The following FAM118B variants were observed in gnomAD, a reference collection of about 807,000 sequenced individuals.
FAM118B encodes SIR2 antiphage like 1.
A neutral mutation model predicts 38.5 loss-of-function variants in FAM118B; 24 were observed. The observed-to-expected ratio is 0.62, with a 90% confidence interval of 0.45 to 0.88. FAM118B has a LOEUF of 0.88. Among genes scored for constraint, FAM118B ranks in the 40% least tolerant of loss-of-function variants. The pLI is 0.00. For synonymous variants in FAM118B, 138 were observed against 156.3 expected (o/e 0.88, Z 0.87); for missense variants, 334 against 420.0 (o/e 0.80, Z 1.79).
At chr11:126,234,868 A>ACGT in intron 2 of FAM118B, 127 bp from the exon 3 acceptor site, 1 of 571,228 alleles carries the variant, frequency 1.8e-6, no homozygotes, top group Non-Finnish European at 3.0e-6. Flanking sequence ...AATTTCTGTT[A>ACGT]AGTAGGGGGC....
intron 7 of FAM118B, chr11:126,260,274 C>T (rs1456742232): frequency 2.6e-5 from 4 of 152,168 alleles, no homozygotes; most frequent in African/African-American, 7.2e-5. Context: ...TGCAAGCAAT[C>T]CTCCCACCTC....
At chr11:126,217,751 A>G (rs766014711) in intron 1 of FAM118B, among the ~76,000 whole-genome samples, 2 of 152,222 alleles carry the variant, frequency 1.3e-5, no homozygotes, top group African/African-American at 2.4e-5. Flanking sequence ...TTAAAAGCAT[A>G]TACTTCAGTT....
At chr11:126,224,840 T>C (rs1431655010) in intron 1 of FAM118B, among the ~76,000 whole-genome samples, 1 of 152,200 alleles carries the variant, frequency 6.6e-6, no homozygotes, top group Non-Finnish European at 1.5e-5. Flanking sequence ...CTCAGTCAAT[T>C]TCAAAAAGTT....
rs894572788 is a variant in FAM118B at position 126,244,569 on chromosome 11, C to T, written c.339+3525C>T. On this transcript the variant is annotated intron_variant, in intron 4 of 8. Transcript: ENST00000533050. This position sits in a 1 kb window ranked among gnomAD's most constrained non-coding sequence, Gnocchi z 4.5. ...CTGTTGTCTCAGCGCTTTGGGAGGCCGAGGTGGGCGGATCACCTGAGGTCG... is the reference window on the plus strand; with the variant it reads ...CTGTTGTCTCAGCGCTTTGGGAGGCTGAGGTGGGCGGATCACCTGAGGTCG... Among the ~76,000 whole-genome samples the T allele has an allele frequency of 6.6e-6, 1 of 152,080 alleles. No homozygotes were observed. Among genetic ancestry groups the T allele is most frequent in the African/African-American group, 2.4e-5 (1 of 41,396 alleles).
chr11:126,256,892 C>T lies in FAM118B; in HGVS notation c.982+40C>T. On this transcript the variant is annotated intron_variant, in intron 7 of 8. Coordinates refer to ENST00000533050, the MANE Select transcript of FAM118B (RefSeq NM_024556.4). This position sits in a 1 kb window ranked among gnomAD's most constrained non-coding sequence, Gnocchi z 6.6. Reference sequence around the variant, plus strand: ...GAAGCTGAGGGGAATCAGAGAACAACAGCTCTTCAGCCTTTTGTGTATTTG... The same window carrying T: ...GAAGCTGAGGGGAATCAGAGAACAATAGCTCTTCAGCCTTTTGTGTATTTG... 6.4e-7 allele frequency: 1 copy of T among 1,558,484 alleles called. No individual in the cohort carries two copies. The highest frequency in any genetic ancestry group is 8.7e-7 in the Non-Finnish European group (1 of 1,147,056).
At chr11:126,232,895 T>C (rs939439936) in intron 2 of FAM118B, among the ~76,000 whole-genome samples, 2 of 152,086 alleles carry the variant, frequency 1.3e-5, no homozygotes, top group Admixed American at 6.6e-5. Context: ...TAAAAATATT[T>C]TAAGGACACT....
At chr11:126,233,486 A>AAAAAC (rs1321143780) in intron 2 of FAM118B, 3 of 242,512 alleles carry the variant, frequency 1.2e-5, no homozygotes, top group South Asian at 7.1e-5. Context: ...ACTCTGTCTC[A>AAAAAC]AAAACAAAAC....
At chr11:126,211,903 C>T (rs934060339) in intron 1 of FAM118B, 73 bp downstream of exon 1, 2 of 499,570 alleles carry the variant, frequency 4.0e-6, no homozygotes, top group Admixed American at 3.8e-5. Context: ...TTCTGCGTCC[C>T]CGGGATTTCC....
At chr11:126,240,299 A>G (rs1327316633) in intron 3 of FAM118B, among the ~76,000 whole-genome samples, 1 of 150,646 alleles carries the variant, frequency 6.6e-6, no homozygotes, top group African/African-American at 2.4e-5. Flanking sequence ...CCTGAGGTTA[A>G]TGTTTACAAA....
chr11:126,222,923 C>T (rs1379364842), intron 1 of FAM118B, among the ~76,000 whole-genome samples: 1 of 152,138 alleles, frequency 6.6e-6, no homozygotes, highest in African/African-American at 2.4e-5. Flanking sequence ...ATTGCAAGTA[C>T]TGTGAGATAC....
intron 2 of FAM118B, among the ~76,000 whole-genome samples, 152 bp from the exon 3 acceptor site, chr11:126,234,843 G>A (rs940358080): frequency 1.3e-5 from 2 of 152,156 alleles, no homozygotes; most frequent in Non-Finnish European, 2.9e-5. Flanking sequence ...TGTTTAGAAT[G>A]TTCATTAATT....
At chr11:126,254,168 T>C in intron 5 of FAM118B, 137 bp from the exon 6 acceptor site, 1 of 1,027,950 alleles carries the variant, frequency 9.7e-7, no homozygotes, top group Non-Finnish European at 1.4e-6. Context: ...CATCAGGTTT[T>C]GCATTCTTGT....
At position 126,252,807 on chromosome 11, in the gene FAM118B, G is replaced by A. The variant is rs566228542; in HGVS notation, c.568-1498G>A. 6.2e-4 allele frequency among the ~76,000 whole-genome samples: 95 copies of A among 152,268 alleles called. No homozygotes were observed. Among genetic ancestry groups the A allele is most frequent in the African/African-American group, 2.2e-3 (93 of 41,550 alleles). Reference sequence around the variant, plus strand: ...CCCAGCATTTTGGGTGGCCGAGGTGGGTGGATCACTTGAGGTCAGGATTTT... The same window carrying A: ...CCCAGCATTTTGGGTGGCCGAGGTGAGTGGATCACTTGAGGTCAGGATTTT... On this transcript the variant is annotated intron_variant, in intron 5 of 8. Coordinates refer to ENST00000533050, the MANE Select transcript of FAM118B (RefSeq NM_024556.4). This position sits in a 1 kb window ranked among gnomAD's most constrained non-coding sequence, Gnocchi z 4.7.
Position 126,234,969 on chromosome 11 carries a change from G to A in FAM118B, c.-7-26G>A, listed in dbSNP as rs764807045. ...TAGTATACTTTACAGATCTAATTGT[G>A]GTTCATGGTGTTTAATCTATTTTAG... On this transcript the variant is annotated intron_variant, in intron 2 of 8. Transcript: ENST00000533050. 17 of 1,529,582 alleles carry A rather than the reference G, an allele frequency of 1.1e-5. No individual in the cohort carries two copies. The East Asian group carries it at 3.4e-4, about 30-fold the overall frequency. 94.8% of individuals were successfully genotyped at this position (1,529,582 alleles called of 1,614,324 possible).
chr11:126,243,439 C>T (rs1166106789), intron 4 of FAM118B, among the ~76,000 whole-genome samples: 8 of 150,722 alleles, frequency 5.3e-5, no homozygotes, highest in South Asian at 4.2e-4. Flanking sequence ...ACTGCAGTCT[C>T]GGTGACAGAG....
rs1950479658 is a variant in FAM118B, at chr11:126,250,138, C to T, written c.340-368C>T. Among the ~76,000 whole-genome samples the T allele has an allele frequency of 6.7e-6, 1 of 148,862 alleles. No homozygotes were observed. Among genetic ancestry groups the T allele is most frequent in the African/African-American group, 2.5e-5 (1 of 40,370 alleles). On this transcript the variant is annotated intron_variant, in intron 4 of 8. Coordinates refer to ENST00000533050, the MANE Select transcript of FAM118B (RefSeq NM_024556.4). This position sits in a 1 kb window ranked among gnomAD's most constrained non-coding sequence, Gnocchi z 5.1. Reference sequence around the variant, plus strand: ...ATGGAGTCTCGCTCCGTCGCCCAGGCTGGAGTGCAGTGACGCGATCTCGGC... The same window carrying T: ...ATGGAGTCTCGCTCCGTCGCCCAGGTTGGAGTGCAGTGACGCGATCTCGGC...
chr11:126,257,350 A>G (rs998146648), intron 7 of FAM118B, among the ~76,000 whole-genome samples: 2 of 152,242 alleles, frequency 1.3e-5, no homozygotes, highest in Non-Finnish European at 2.9e-5. Context: ...TGATTGCACA[A>G]TCACACAATT....
chr11:126,222,491 T>A (rs1049146125), intron 1 of FAM118B, among the ~76,000 whole-genome samples: 8 of 152,226 alleles, frequency 5.3e-5, no homozygotes, highest in African/African-American at 1.7e-4. Context: ...TAGCTTTGTT[T>A]TATGAAACAA....
intron 7 of FAM118B, among the ~76,000 whole-genome samples, chr11:126,257,693 A>G (rs1950601380): frequency 6.7e-6 from 1 of 149,338 alleles, no homozygotes; most frequent in Non-Finnish European, 1.5e-5. Flanking sequence ...TAAAGTGTTG[A>G]TTTTTTGGTT....
Sources: allele counts gnomAD v4.1 joint callset (sites outside exome capture counted in the v4.1 genomes callset), GRCh38; gene constraint gnomAD v4.1.1; non-coding constraint Gnocchi (gnomAD v3.1); transcripts MANE v1.5; gene names NCBI Gene and HGNC (gene_info 2026-07-23, HGNC 2026-07-21).